Variants in KSR2 observed in about 807,000 individuals in gnomAD.
KSR2 encodes the protein kinase suppressor of ras 2.
In KSR2, 25 loss-of-function variants were observed where a neutral mutation model predicts 107.8. The ratio of observed to expected loss-of-function variants is 0.23; its 90% CI spans 0.17 to 0.32. The LOEUF (loss-of-function observed/expected upper bound fraction) is 0.32, where lower values mean the gene tolerates loss of function less well. Among genes scored for constraint, KSR2 ranks in the 10% least tolerant of loss-of-function variants. The pLI is 1.00. For missense variants in KSR2, 887 were observed against 1,268.9 expected (o/e 0.70, Z 4.57); for synonymous variants, 480 against 507.0 (o/e 0.95, Z 0.71).
chr12:117,962,596 T>C (rs2137611985), intron 1 of KSR2, among the ~76,000 whole-genome samples: 1 of 151,764 alleles, frequency 6.6e-6, no homozygotes, highest in South Asian at 2.1e-4. Flanking sequence ...AGGTACCCGC[T>C]GCCATGCCCC....
intron 14 of KSR2, among the ~76,000 whole-genome samples, chr12:117,494,235 T>C (rs1872902065): frequency 6.6e-6 from 1 of 152,144 alleles, no homozygotes; most frequent in Admixed American, 6.6e-5. Context: ...ACCTGCGGTC[T>C]CCTTTGCCAC....
intron 4 of KSR2, among the ~76,000 whole-genome samples, chr12:117,748,238 A>C (rs1888484158): frequency 6.6e-6 from 1 of 152,214 alleles, no homozygotes; most frequent in African/African-American, 2.4e-5. Flanking sequence ...CACTTTGAAA[A>C]GTCAAACTCG....
intron 4 of KSR2, among the ~76,000 whole-genome samples, chr12:117,700,926 T>C (rs1356197401): frequency 6.6e-6 from 1 of 152,158 alleles, no homozygotes; most frequent in Non-Finnish European, 1.5e-5. Context: ...AGTATTTCTA[T>C]CCATTTCTCA....
At chr12:117,680,740 C>T (rs908734495) in intron 4 of KSR2, among the ~76,000 whole-genome samples, 42 of 152,244 alleles carry the variant, frequency 2.8e-4, no homozygotes, top group African/African-American at 1.0e-3. Context: ...AGAACACCAA[C>T]ATTTATTATA....
intron 1 of KSR2, among the ~76,000 whole-genome samples, chr12:117,943,666 G>T (rs536742054): frequency 1.3e-5 from 2 of 152,090 alleles, no homozygotes. Flanking sequence ...ACTAATACAT[G>T]GGTGAAACTT....
At chr12:117,956,698 A>T (rs1177481907) in intron 1 of KSR2, among the ~76,000 whole-genome samples, 2 of 152,202 alleles carry the variant, frequency 1.3e-5, no homozygotes, top group East Asian at 3.9e-4. Context: ...AGGCCAAGGC[A>T]GGAGGATCAC....
At position 117,627,719 on chromosome 12, in the gene KSR2, C is replaced by T. The variant is rs149020556; in HGVS notation, c.1171+39755G>A. Among the ~76,000 whole-genome samples the T allele has an allele frequency of 3.3e-3, 501 of 152,248 alleles. 1 individual carries two copies. Among genetic ancestry groups the T allele is most frequent in the African/African-American group, 0.01 (435 of 41,536 alleles). ...TCAAGGAGTATCTTTGTGGTGTTCT[C>T]TGTGTTTCCTGAATTTGAATGTTGG... On this transcript the variant is annotated intron_variant, in intron 5 of 19. Transcript: ENST00000339824.
At chr12:117,886,461 G>C (rs1894181192) in intron 1 of KSR2, among the ~76,000 whole-genome samples, 1 of 151,972 alleles carries the variant, frequency 6.6e-6, no homozygotes, top group Non-Finnish European at 1.5e-5. Context: ...TAGGTACACA[G>C]ATACCATTGT....
chr12:117,672,948 T>C (rs1884975763), intron 4 of KSR2, among the ~76,000 whole-genome samples: 1 of 152,176 alleles, frequency 6.6e-6, no homozygotes, highest in Non-Finnish European at 1.5e-5. Flanking sequence ...AAACTTTCAA[T>C]CCACCATGGC....
intron 7 of KSR2, among the ~76,000 whole-genome samples, chr12:117,576,908 A>T (rs915896242): frequency 2.6e-5 from 4 of 152,140 alleles, no homozygotes; most frequent in African/African-American, 9.7e-5. Flanking sequence ...CTCCTGCCTC[A>T]GCCTCCCAAA....
At chr12:117,635,814 CAG>C (rs1475726599) in intron 5 of KSR2, among the ~76,000 whole-genome samples, 3 of 129,004 alleles carry the variant, frequency 2.3e-5, no homozygotes, top group African/African-American at 8.9e-5. Context: ...TTTTTTGAGA[CAG>C]AGTCTTGCTC....
intron 1 of KSR2, among the ~76,000 whole-genome samples, chr12:117,956,229 G>T (rs1426499470): frequency 7.9e-6 from 1 of 127,086 alleles, no homozygotes; most frequent in African/African-American, 2.9e-5. Flanking sequence ...CAGCCTGGGC[G>T]ACAGAGCAAG....
chr12:117,830,709 A>G (rs562977669), intron 3 of KSR2, among the ~76,000 whole-genome samples: 1 of 152,270 alleles, frequency 6.6e-6, no homozygotes, highest in South Asian at 2.1e-4. Context: ...GGAGAAACAA[A>G]TTTAAGCTAT....
chr12:117,458,698 A>C lies in KSR2; in HGVS notation c.*8501T>G, dbSNP rs1173244750. 2 of 152,216 alleles carry C rather than the reference A, an allele frequency of 1.3e-5. No individual in the cohort carries two copies. Among genetic ancestry groups the C allele is most frequent in the Non-Finnish European group, 2.9e-5 (2 of 68,064 alleles). 9.4% of individuals were successfully genotyped at this position (152,216 alleles called of 1,614,324 possible). ...AGAAGGAAAAGAAGAGGCAGTGGAC[A>C]AGAAGGTACTCTCAGCCACCGAGCT... is the stretch of plus-strand genomic sequence containing the variant. On this transcript the variant is annotated 3_prime_UTR_variant, in exon 20 of 20. Transcript: ENST00000339824.
rs1339444648 is a variant in KSR2, at chr12:117,634,534, C to A, written c.1171+32940G>T. 2.6e-5 allele frequency among the ~76,000 whole-genome samples: 4 copies of A among 152,114 alleles called. No individual in the cohort carries two copies. The South Asian group carries it at 6.2e-4, about 24-fold the overall frequency. ...AAAAGGGCTAGAGTGAGGTGCCCCC[C>A]AGGATAAAGCCTTATGGGAGTCATC... On this transcript the variant is annotated intron_variant, in intron 5 of 19. Transcript: ENST00000339824.
intron 4 of KSR2, among the ~76,000 whole-genome samples, chr12:117,703,289 G>A (rs960604862): frequency 1.3e-5 from 2 of 152,212 alleles, no homozygotes; most frequent in Non-Finnish European, 2.9e-5. Flanking sequence ...TACTGAAGGA[G>A]CAACGACAGT....
At chr12:117,712,732 A>C (rs1202606697) in intron 4 of KSR2, among the ~76,000 whole-genome samples, 1 of 152,192 alleles carries the variant, frequency 6.6e-6, no homozygotes, top group Non-Finnish European at 1.5e-5. Flanking sequence ...CAGGGCTTAC[A>C]GGTTTGGGTC....
At chr12:117,570,333 G>A (rs1878801955) in intron 7 of KSR2, among the ~76,000 whole-genome samples, 1 of 152,144 alleles carries the variant, frequency 6.6e-6, no homozygotes, top group Non-Finnish European at 1.5e-5. Context: ...TGAGGAGGGG[G>A]TGCTACTGGC....
intron 1 of KSR2, among the ~76,000 whole-genome samples, chr12:117,891,672 C>G (rs1894346206): frequency 6.6e-6 from 1 of 151,524 alleles, no homozygotes; most frequent in Admixed American, 6.6e-5. Flanking sequence ...GGATGAAAAC[C>G]AACCAACCAA....
Sources: allele counts gnomAD v4.1 joint callset (sites outside exome capture counted in the v4.1 genomes callset), GRCh38; gene constraint gnomAD v4.1.1; transcripts MANE v1.5; gene names NCBI Gene and HGNC (gene_info 2026-07-23, HGNC 2026-07-21).